The following NRF1 variants were observed in gnomAD, a reference collection of about 807,000 sequenced individuals.
NRF1 encodes alpha palindromic-binding protein.
A neutral mutation model predicts 58.5 loss-of-function variants in NRF1; 5 were observed. That is an observed-to-expected ratio of 0.09 (90% CI 0.04 to 0.18). NRF1 has a LOEUF of 0.18. Among genes scored for constraint, NRF1 ranks in the 10% least tolerant of loss-of-function variants. The pLI, the probability that NRF1 is intolerant of heterozygous loss-of-function variation, is 1.00. For missense variants in NRF1, 288 were observed against 657.7 expected (o/e 0.44, Z 6.15); for synonymous variants, 224 against 246.7 (o/e 0.91, Z 0.86).
At chr7:129,722,576 C>T (rs1409887426) in intron 9 of NRF1, among the ~76,000 whole-genome samples, 1 of 152,142 alleles carries the variant, frequency 6.6e-6, no homozygotes, top group Non-Finnish European at 1.5e-5. Context: ...ATCTGTCAAC[C>T]TGTCACCCCC....
intron 1 of NRF1, chr7:129,629,954 A>G (rs1801012076): frequency 6.6e-6 from 1 of 152,216 alleles, no homozygotes; most frequent in Admixed American, 6.5e-5. Context: ...TTATTATGAA[A>G]ATAATTTTGA....
intron 2 of NRF1, among the ~76,000 whole-genome samples, chr7:129,661,205 A>C (rs2036118730): frequency 6.6e-6 from 1 of 151,164 alleles, no homozygotes; most frequent in Non-Finnish European, 1.5e-5. Context: ...CCAGCCCTTG[A>C]AACCTCCTAG....
At chr7:129,688,868 A>G (rs1032919283) in intron 4 of NRF1, among the ~76,000 whole-genome samples, 1 of 152,168 alleles carries the variant, frequency 6.6e-6, no homozygotes, top group East Asian at 1.9e-4. Flanking sequence ...AGGAATTACA[A>G]TCAAGATGAA....
chr7:129,709,808 G>A (rs117001427), intron 6 of NRF1, among the ~76,000 whole-genome samples: 6,336 of 144,550 alleles, frequency 0.044, 165 homozygotes, highest in Middle Eastern at 0.13. Context: ...TCGGCTCGCC[G>A]CAACCTCTGC....
intron 10 of NRF1, among the ~76,000 whole-genome samples, chr7:129,744,461 G>T (rs533211389): frequency 6.6e-6 from 1 of 152,124 alleles, no homozygotes; most frequent in South Asian, 2.1e-4. Context: ...AAGAGACAGG[G>T]TCTTACTACA....
chr7:129,728,488 A>G (rs901023911), intron 10 of NRF1, among the ~76,000 whole-genome samples: 1 of 135,872 alleles, frequency 7.4e-6, no homozygotes, highest in Non-Finnish European at 1.6e-5. Flanking sequence ...AAAAAAAAAA[A>G]AAAAAACCAA....
intron 3 of NRF1, among the ~76,000 whole-genome samples, chr7:129,671,836 C>T (rs1280831889): frequency 6.6e-6 from 1 of 151,998 alleles, no homozygotes; most frequent in African/African-American, 2.4e-5. Context: ...CCTTAAAGAG[C>T]TTGTATCCTG....
chr7:129,753,197 A>G (rs1804164977), intron 10 of NRF1, among the ~76,000 whole-genome samples: 1 of 152,152 alleles, frequency 6.6e-6, no homozygotes, highest in Admixed American at 6.5e-5. Flanking sequence ...ATCTTCATCA[A>G]AGTAGCCTAT....
At chr7:129,634,295 T>C (rs913451948) in intron 1 of NRF1, among the ~76,000 whole-genome samples, 1 of 152,126 alleles carries the variant, frequency 6.6e-6, no homozygotes. Context: ...TTGACAAATA[T>C]ATAATCATTC....
At chr7:129,618,767 A>G (rs987417201) in intron 1 of NRF1, among the ~76,000 whole-genome samples, 4 of 152,146 alleles carry the variant, frequency 2.6e-5, no homozygotes, top group African/African-American at 4.8e-5. Flanking sequence ...AATGTTTTGG[A>G]GTTTTTTTTG....
At chr7:129,688,401 A>G (rs1039889263) in intron 4 of NRF1, among the ~76,000 whole-genome samples, 1 of 152,296 alleles carries the variant, frequency 6.6e-6, no homozygotes, top group African/African-American at 2.4e-5. Flanking sequence ...TGCTGGGATT[A>G]CAGGTGTGAG....
chr7:129,723,135 C>T (rs1424171455), intron 9 of NRF1, among the ~76,000 whole-genome samples: 4 of 151,076 alleles, frequency 2.6e-5, no homozygotes, highest in Non-Finnish European at 4.4e-5. Context: ...TTTTTTTCTC[C>T]GACATAGGTA....
intron 1 of NRF1, among the ~76,000 whole-genome samples, chr7:129,645,475 C>T (rs1045455122): frequency 1.3e-5 from 2 of 152,166 alleles, no homozygotes; most frequent in African/African-American, 2.4e-5. Flanking sequence ...AACTCTAAAT[C>T]GCTCTTTCCC....
At chr7:129,635,818 A>AG (rs1801158754) in intron 1 of NRF1, among the ~76,000 whole-genome samples, 1 of 152,190 alleles carries the variant, frequency 6.6e-6, no homozygotes, top group African/African-American at 2.4e-5. Context: ...ACACCCCGTT[A>AG]GAAAAATGAT....
At chr7:129,637,700 T>C (rs904312357) in intron 1 of NRF1, among the ~76,000 whole-genome samples, 1 of 152,210 alleles carries the variant, frequency 6.6e-6, no homozygotes, top group African/African-American at 2.4e-5. Context: ...TCCATCATTT[T>C]ATGGATTTTT....
chr7:129,656,045 G>A (rs919166400), intron 1 of NRF1, among the ~76,000 whole-genome samples: 3 of 151,894 alleles, frequency 2.0e-5, no homozygotes, highest in Non-Finnish European at 4.4e-5. Flanking sequence ...TGGCTGTTGC[G>A]AATAAAGCTG....
intron 1 of NRF1, among the ~76,000 whole-genome samples, chr7:129,634,071 C>T (rs867964188): frequency 0.022 from 3,176 of 144,134 alleles, 82 homozygotes; most frequent in African/African-American, 0.066. Context: ...TACACACACA[C>T]ACACACACAC....
At chr7:129,696,060 TA>T (rs11434445) in intron 5 of NRF1, among the ~76,000 whole-genome samples, 9 of 53,388 alleles carry the variant, frequency 1.7e-4, no homozygotes, top group African/African-American at 6.4e-4. Context: ...CCGTCTCTAC[TA>T]AAAAAAAAAA....
chr7:129,683,288 AGTGTGTGTGTGT>A (rs35691853), intron 4 of NRF1, among the ~76,000 whole-genome samples: 79 of 140,466 alleles, frequency 5.6e-4, no homozygotes, highest in Middle Eastern at 7.3e-3. Context: ...TCATGTGGAG[AGTGTGTGTGTGT>A]GTGTGTGTGT....
Sources: gnomAD v4.1 joint callset for allele counts (sites outside exome capture counted in the v4.1 genomes callset) on GRCh38, gnomAD v4.1.1 for gene constraint, MANE v1.5 for transcripts, NCBI Gene and HGNC (gene_info 2026-07-23, HGNC 2026-07-21) for gene names.